BORCS8: variants seen among roughly 807,000 people sequenced by gnomAD.
BORCS8 encodes BLOC-1 related complex subunit 8, also known as BLOC-1-related complex subunit 8.
BORCS8 carries 13 observed loss-of-function variants against 18.7 expected under a neutral mutation model. The ratio of observed to expected loss-of-function variants is 0.70; its 90% confidence interval spans 0.45 to 1.11. BORCS8 has a LOEUF of 1.11. Ranked by LOEUF, BORCS8 falls within the 50% of genes least tolerant of loss-of-function variation. BORCS8 has a pLI of 0.00. For synonymous variants in BORCS8, 68 were observed against 64.8 expected, an observed-to-expected ratio of 1.05 and a Z score of -0.24; for missense variants, 165 against 165.7, an observed-to-expected ratio of 1.00 and a Z score of 0.02.
At chr19:19,191,491 C>CAAA (rs34145724) in intron 1 of BORCS8, among the ~76,000 whole-genome samples, 2 of 86,000 alleles carry the variant, frequency 2.3e-5, no homozygotes, top group African/African-American at 8.5e-5. Flanking sequence ...TACCTTGTCT[C>CAAA]AAAAAAAAAA....
intron 3 of BORCS8, among the ~76,000 whole-genome samples, chr19:19,183,081 G>A (rs1314242015): frequency 1.3e-5 from 2 of 152,270 alleles, no homozygotes; most frequent in Admixed American, 1.3e-4. Context: ...GTTGAGACCA[G>A]CCTGGGCAAC....
At chr19:19,186,429 A>G (rs983462129) in intron 2 of BORCS8, among the ~76,000 whole-genome samples, 3 of 152,192 alleles carry the variant, frequency 2.0e-5, no homozygotes, top group South Asian at 4.1e-4. Flanking sequence ...TGTAGTTCCC[A>G]TAATCCCCAT....
intron 5 of BORCS8, chr19:19,179,145 G>A (rs77740437): frequency 0.014 from 2,161 of 153,608 alleles, 16 homozygotes; most frequent in South Asian, 0.025. Flanking sequence ...CAGTGTCCTC[G>A]AGGCACAAAG....
intron 1 of BORCS8, 24 bp from the exon 2 acceptor site, chr19:19,187,029 G>T (rs1310224599): frequency 3.3e-6 from 5 of 1,526,250 alleles, no homozygotes; most frequent in Non-Finnish European, 3.6e-6. Flanking sequence ...GTAGGGATGG[G>T]GCGGGTGTGG....
At chr19:19,180,157 C>T (rs968243936) in intron 5 of BORCS8, 5 of 161,610 alleles carry the variant, frequency 3.1e-5, no homozygotes, top group South Asian at 1.6e-4. Context: ...AAAGCACATC[C>T]GTCACTGTGC....
chr19:19,181,804 A>G, intron 4 of BORCS8: 3 of 941,382 alleles, frequency 3.2e-6, no homozygotes, highest in Non-Finnish European at 3.8e-6. Flanking sequence ...AGTGGGGGAC[A>G]GGCCTGCCAG....
At chr19:19,177,681 GAAGGAAGGAAGGAAGAGAA>G (rs1242326589) in intron 5 of BORCS8, 2 of 92,420 alleles carry the variant, frequency 2.2e-5, no homozygotes, top group East Asian at 6.5e-4. Flanking sequence ...AGGAAGGAAG[GAAGGAAGGAAGGAAGAGAA>G]AAGAAAAGAA....
chr19:19,185,656 A>G (rs924843109), intron 3 of BORCS8, among the ~76,000 whole-genome samples: 2 of 152,252 alleles, frequency 1.3e-5, no homozygotes, highest in East Asian at 3.8e-4. Flanking sequence ...ACTGCACTCC[A>G]GCCTGGGTGA....
At chr19:19,179,705 C>A (rs2060331649) in intron 5 of BORCS8, 1 of 152,760 alleles carries the variant, frequency 6.5e-6, no homozygotes. Context: ...CACATCAGAT[C>A]TTTCCTGGCA....
chr19:19,186,983 G>A lies in BORCS8; in HGVS notation c.60C>T (p.Ser20=), dbSNP rs955918773. ...GKKVTDKFTE[S]VYVLANEPSV... ...ATGGCTCGTTGGCCAGGACGTAGAC[G>A]CTCTCAGTGAACTTGTCCGTGACTA... The change falls in exon 2 of 6, where the codon AGC becomes AGT. Residue 20 remains serine, a synonymous_variant. Coordinates refer to ENST00000462790, the MANE Select transcript of BORCS8 (RefSeq NM_001145784.2). 13 of 1,551,032 alleles carry A rather than the reference G, an allele frequency of 8.4e-6. No homozygotes were observed. Among genetic ancestry groups the A allele is most frequent in the South Asian group, 2.4e-5 (2 of 84,024 alleles).
intron 1 of BORCS8, 85 bp downstream of exon 1, chr19:19,191,996 C>T: frequency 1.3e-6 from 2 of 1,505,040 alleles, no homozygotes; most frequent in Non-Finnish European, 1.8e-6. Context: ...CTGCTCCTCG[C>T]ACGGTCCCTC....
At chr19:19,189,115 G>A (rs534739924) in intron 1 of BORCS8, among the ~76,000 whole-genome samples, 97 of 152,212 alleles carry the variant, frequency 6.4e-4, no homozygotes, top group Non-Finnish European at 1.2e-3. Flanking sequence ...GATTACAGGA[G>A]TGAGCCACCG....
At chr19:19,184,587 C>T (rs189072802) in intron 3 of BORCS8, among the ~76,000 whole-genome samples, 1 of 151,946 alleles carries the variant, frequency 6.6e-6, no homozygotes, top group African/African-American at 2.4e-5. Flanking sequence ...CAGGTGTGAG[C>T]CACCGCGCCC....
At position 19,182,515 on chromosome 19, in the gene BORCS8, TGA is replaced by T. The variant is rs2060358782; in HGVS notation, c.326+56_326+57del. 6.5e-7 allele frequency: 1 copy of T among 1,530,040 alleles called. No individual in the cohort carries two copies. Among genetic ancestry groups the T allele is most frequent in the Non-Finnish European group, 8.8e-7 (1 of 1,138,290 alleles). The allele number at this position is 1,530,040 out of a possible 1,614,324, so 94.8% of individuals were successfully genotyped here. A position where few individuals can be genotyped will look rare whatever the true frequency, so the allele number is the denominator to read the frequency against. ...GAGAAGCAGCGGTTCCCAGCGCAGC[TGA>T]GAGACGGTCCTTGCAGCTGGGAGTG... On this transcript the variant is annotated intron_variant, in intron 4 of 5. Transcript: ENST00000462790. This position sits in a 1 kb window ranked among gnomAD's most constrained non-coding sequence, Gnocchi z 4.1.
intron 3 of BORCS8, among the ~76,000 whole-genome samples, chr19:19,185,118 C>T (rs886714281): frequency 6.6e-6 from 1 of 152,260 alleles, no homozygotes; most frequent in African/African-American, 2.4e-5. Flanking sequence ...GGGGCCAAGG[C>T]TGCCAATGGC....
chr19:19,180,685 C>A lies in BORCS8; in HGVS notation c.*42+1G>T, dbSNP rs561253911. 6.5e-7 allele frequency: 1 copy of A among 1,541,986 alleles called. No homozygotes were observed. The highest frequency in any genetic ancestry group is 2.0e-5 in the Admixed American group (1 of 50,962). On this transcript the variant is annotated splice_donor_variant, in intron 5 of 5. Coordinates refer to ENST00000462790, the MANE Select transcript of BORCS8 (RefSeq NM_001145784.2). LOFTEE classifies it low-confidence loss of function (3UTR_SPLICE). ...GGCTCGTGGCTACCCTCGGCACTGACCTGGGTTGGCGGAGGCTGGGGGGCC... is the reference window on the plus strand; with the variant it reads ...GGCTCGTGGCTACCCTCGGCACTGAACTGGGTTGGCGGAGGCTGGGGGGCC...
chr19:19,189,178 A>C (rs1290872983), intron 1 of BORCS8, among the ~76,000 whole-genome samples: 5 of 151,916 alleles, frequency 3.3e-5, no homozygotes, highest in African/African-American at 4.8e-5. Flanking sequence ...GGTCTGTTTC[A>C]ACAACGGCAT....
rs1480079783 is a variant in BORCS8, at chr19:19,177,338, G to A, written c.*165C>T. The A allele has an allele frequency of 6.6e-6, 1 of 152,184 alleles. No homozygotes were observed. The highest frequency in any genetic ancestry group is 1.5e-5 in the Non-Finnish European group (1 of 68,128). 9.4% of individuals were successfully genotyped at this position (152,184 alleles called of 1,614,324 possible). A position where few individuals can be genotyped will look rare whatever the true frequency, so the allele number is the denominator to read the frequency against. Reference sequence around the variant, plus strand: ...GCCTTCCTTATCCAGATGAAGAAAGGGAGAACCAAGGCTGGGTGCGGTGGC... The same window carrying A: ...GCCTTCCTTATCCAGATGAAGAAAGAGAGAACCAAGGCTGGGTGCGGTGGC... On this transcript the variant is annotated 3_prime_UTR_variant, in exon 6 of 6. Coordinates refer to ENST00000462790, the MANE Select transcript of BORCS8 (RefSeq NM_001145784.2).
intron 3 of BORCS8, among the ~76,000 whole-genome samples, chr19:19,183,103 C>A (rs1458692818): frequency 6.6e-6 from 1 of 152,062 alleles, no homozygotes; most frequent in Non-Finnish European, 1.5e-5. Context: ...CAGCGAGACC[C>A]CATCTCTTAA....
Sources: allele counts gnomAD v4.1 joint callset (sites outside exome capture counted in the v4.1 genomes callset), GRCh38; gene constraint gnomAD v4.1.1; non-coding constraint Gnocchi (gnomAD v3.1); transcripts MANE v1.5; gene names NCBI Gene and HGNC (gene_info 2026-07-23, HGNC 2026-07-21).